PREX1: variants seen among roughly 807,000 people sequenced by gnomAD.
PREX1 encodes phosphatidylinositol-3,4,5-trisphosphate dependent Rac exchange factor 1.
PREX1 carries 41 observed loss-of-function variants against 198.3 expected under a neutral mutation model. That is an observed-to-expected ratio of 0.21 (90% CI 0.16 to 0.27). The LOEUF (loss-of-function observed/expected upper bound fraction) is 0.27, where lower values mean the gene tolerates loss of function less well. Ranked by LOEUF, PREX1 falls within the 10% of genes least tolerant of loss-of-function variation. The pLI is 1.00. For synonymous variants in PREX1, 843 were observed against 887.2 expected (o/e 0.95, Z 0.89); for missense variants, 1,620 against 2,200.7 (o/e 0.74, Z 5.28).
intron 3 of PREX1, among the ~76,000 whole-genome samples, chr20:48,741,153 T>C (rs1217574499): frequency 6.6e-6 from 1 of 152,090 alleles, no homozygotes; most frequent in Non-Finnish European, 1.5e-5. Flanking sequence ...CAAATAATAA[T>C]ACAAAGAATA....
chr20:48,836,517 T>C, the PREX1 span, among the ~76,000 whole-genome samples: 39,085 of 152,050 alleles, frequency 0.26, 5,640 homozygotes, highest in Non-Finnish European at 0.33. Context: ...CCTCGTGAAA[T>C]AGACAGAGGG....
chr20:48,652,744 G>A lies in PREX1; in HGVS notation c.2347-38C>T, dbSNP rs113507899. On this transcript the variant is annotated intron_variant, in intron 20 of 39. Transcript: ENST00000371941. ...AGAGTAAGGGGACAGCCATGGTGCCGGCAGGTAGGGAGGAGGGGACAGGGC... is the reference window on the plus strand; with the variant it reads ...AGAGTAAGGGGACAGCCATGGTGCCAGCAGGTAGGGAGGAGGGGACAGGGC... 4,040 of 1,593,548 alleles carry A rather than the reference G, an allele frequency of 2.5e-3. 53 individuals carry two copies. In the African/African-American group the frequency reaches 0.038, roughly 15 times the overall value.
chr20:48,682,896 A>AGGGC (rs1276140679), intron 10 of PREX1, among the ~76,000 whole-genome samples: 2 of 152,236 alleles, frequency 1.3e-5, no homozygotes, highest in Non-Finnish European at 2.9e-5. Context: ...GCCTCCAATT[A>AGGGC]CAGGGCCAGA....
At chr20:48,738,536 C>T (rs76484632) in intron 3 of PREX1, among the ~76,000 whole-genome samples, 8 of 152,348 alleles carry the variant, frequency 5.3e-5, no homozygotes, top group Non-Finnish European at 1.0e-4. Context: ...AATACGGAAA[C>T]GCTGCTCTTG....
At chr20:48,688,374 C>G (rs2089797525) in intron 10 of PREX1, among the ~76,000 whole-genome samples, 1 of 152,148 alleles carries the variant, frequency 6.6e-6, no homozygotes, top group Non-Finnish European at 1.5e-5. Context: ...GGATCAAGCA[C>G]AGTAAGCTCT....
chr20:48,824,295 G>C (rs1006960151), intron 1 of PREX1, among the ~76,000 whole-genome samples: 1 of 152,150 alleles, frequency 6.6e-6, no homozygotes, highest in Non-Finnish European at 1.5e-5. Context: ...GAAGGAGATG[G>C]GGAAAGATGG....
At chr20:48,645,780 CCACGG>C in intron 26 of PREX1, 66 bp downstream of exon 26, 1 of 1,521,454 alleles carries the variant, frequency 6.6e-7, no homozygotes, top group Non-Finnish European at 9.0e-7. Flanking sequence ...TCTGATGTTG[CCACGG>C]GTCCGTGGCC....
At chr20:48,856,133 G>A in the PREX1 span, among the ~76,000 whole-genome samples, 1 of 152,172 alleles carries the variant, frequency 6.6e-6, no homozygotes, top group African/African-American at 2.4e-5. Flanking sequence ...AGGTGCAATG[G>A]CCCTGAGGCA....
intron 16 of PREX1, among the ~76,000 whole-genome samples, chr20:48,659,622 T>TG (rs1170470394): frequency 4.6e-5 from 7 of 151,826 alleles, no homozygotes; most frequent in African/African-American, 1.7e-4. Context: ...CTGTGGGGTA[T>TG]GCAGGATGAG....
chr20:48,765,333 A>G (rs2090203632), intron 1 of PREX1, among the ~76,000 whole-genome samples: 1 of 152,246 alleles, frequency 6.6e-6, no homozygotes. Context: ...AATAACAGTA[A>G]TTACTATAAT....
intron 1 of PREX1, among the ~76,000 whole-genome samples, chr20:48,749,561 C>T (rs1273404458): frequency 2.0e-5 from 3 of 152,196 alleles, no homozygotes; most frequent in Non-Finnish European, 4.4e-5. Context: ...CTGCACAAGG[C>T]TGTCAGATCC....
intron 1 of PREX1, among the ~76,000 whole-genome samples, chr20:48,790,395 A>C (rs747883295): frequency 4.6e-5 from 7 of 152,186 alleles, no homozygotes; most frequent in Non-Finnish European, 8.8e-5. Context: ...GAGAGGAAAC[A>C]GAGGAACAAA....
At chr20:48,656,547 C>T in intron 18 of PREX1, 1 of 456,896 alleles carries the variant, frequency 2.2e-6, no homozygotes, top group South Asian at 1.5e-5. Flanking sequence ...AGGGCCTCTG[C>T]CCTAGCTGCT....
chr20:48,759,549 CAAAAAAAAAAA>C (rs386393896), intron 1 of PREX1, among the ~76,000 whole-genome samples: 3 of 73,978 alleles, frequency 4.1e-5, no homozygotes, highest in East Asian at 4.1e-4. Context: ...GATTCCATCT[CAAAAAAAAAAA>C]AAAAAAAAGA....
At chr20:48,739,873 C>T (rs1369804802) in intron 3 of PREX1, among the ~76,000 whole-genome samples, 1 of 152,136 alleles carries the variant, frequency 6.6e-6, no homozygotes, top group East Asian at 1.9e-4. Flanking sequence ...AAAATGGGTA[C>T]AATAATAGTA....
chr20:48,665,961 C>T (rs904687549), intron 15 of PREX1, among the ~76,000 whole-genome samples: 5 of 152,194 alleles, frequency 3.3e-5, no homozygotes, highest in African/African-American at 4.8e-5. Context: ...CGGAGGCCTT[C>T]GGGCCAGGCC....
At chr20:48,658,021 G>T (rs774467562) in intron 17 of PREX1, 115 bp downstream of exon 17, 4 of 1,001,676 alleles carry the variant, frequency 4.0e-6, no homozygotes, top group African/African-American at 1.6e-5. Flanking sequence ...TGAGAGAAGA[G>T]GAGTCAGCGA....
chr20:48,788,901 C>T (rs1353698312), intron 1 of PREX1, among the ~76,000 whole-genome samples: 1 of 152,296 alleles, frequency 6.6e-6, no homozygotes, highest in East Asian at 1.9e-4. Context: ...GCTCAGCCCC[C>T]CTGCCACGTG....
At chr20:48,713,857 T>TAAAAAAAAA (rs71337452) in intron 5 of PREX1, among the ~76,000 whole-genome samples, 3 of 81,730 alleles carry the variant, frequency 3.7e-5, no homozygotes, top group East Asian at 3.0e-4. Context: ...CCCAGAACTA[T>TAAAAAAAAA]AAAAAAAAAA....
Sources: allele counts gnomAD v4.1 joint callset (sites outside exome capture counted in the v4.1 genomes callset), GRCh38; gene constraint gnomAD v4.1.1; transcripts MANE v1.5; gene names NCBI Gene and HGNC (gene_info 2026-07-23, HGNC 2026-07-21).